Variants in SLC11A2 observed in about 807,000 individuals in gnomAD.
SLC11A2 encodes the protein solute carrier family 11 member 2, also known as natural resistance-associated macrophage protein 2.
SLC11A2 carries 38 observed loss-of-function variants against 68.0 expected under a neutral mutation model. The observed-to-expected ratio is 0.56, with a 90% CI of 0.43 to 0.73. The LOEUF is 0.73. Ranked by LOEUF, SLC11A2 falls within the 30% of genes least tolerant of loss-of-function variation. SLC11A2 has a pLI of 0.00. For synonymous variants in SLC11A2, 242 were observed against 250.6 expected, an observed-to-expected ratio of 0.97 and a Z score of 0.32; for missense variants, 517 against 690.5, an observed-to-expected ratio of 0.75 and a Z score of 2.82.
chr12:51,026,891 C>CAA (rs955260150), upstream of SLC11A2, among the ~76,000 whole-genome samples: 11 of 152,008 alleles, frequency 7.2e-5, no homozygotes, highest in African/African-American at 2.7e-4. Flanking sequence ...ATTAGCCAAG[C>CAA]AAAGGCCGGG....
the SLC11A2 span, chr12:50,954,004 T>G: frequency 6.2e-7 from 1 of 1,606,186 alleles, no homozygotes; most frequent in Non-Finnish European, 8.5e-7. Flanking sequence ...AAAAAATGTC[T>G]TCAGATAACC....
At chr12:50,953,274 A>C in the SLC11A2 span, among the ~76,000 whole-genome samples, 1 of 152,202 alleles carries the variant, frequency 6.6e-6, no homozygotes, top group Non-Finnish European at 1.5e-5. Context: ...TGTGCTTCTT[A>C]CGCTTAAGTT....
Position 50,988,098 on chromosome 12 carries a change from A to G in SLC11A2, c.*227T>C. The stretch of plus-strand genomic sequence containing the variant: ...TTTAGTGTTGGAATGATAGCAGCAA[A>G]TGTCAGCTTTTCAAAGATCCCACCC... On this transcript the variant is annotated 3_prime_UTR_variant, in exon 16 of 16. Transcript: ENST00000262052. The G allele has an allele frequency of 6.8e-7, 1 of 1,471,664 alleles. No homozygotes were observed. 91.2% of individuals were successfully genotyped at this position (1,471,664 alleles called of 1,614,324 possible). A position where few individuals can be genotyped will look rare whatever the true frequency, so the allele number is the denominator to read the frequency against.
At chr12:51,009,123 A>T (rs1260083030) in intron 2 of SLC11A2, 9 of 1,514,166 alleles carry the variant, frequency 5.9e-6, no homozygotes, top group Non-Finnish European at 7.1e-6. Flanking sequence ...TTACTCAAAT[A>T]ATCGACCGTG....
the SLC11A2 span, among the ~76,000 whole-genome samples, chr12:50,957,005 G>A: frequency 1.3e-5 from 2 of 148,616 alleles, no homozygotes; most frequent in East Asian, 3.9e-4. Flanking sequence ...TTTTTTTGCT[G>A]TTTTTATGTC....
At chr12:50,966,218 G>A in the SLC11A2 span, among the ~76,000 whole-genome samples, 1 of 152,162 alleles carries the variant, frequency 6.6e-6, no homozygotes, top group African/African-American at 2.4e-5. Flanking sequence ...AGTTTGCACT[G>A]TCATTTCTGG....
chr12:50,954,853 A>G, the SLC11A2 span, among the ~76,000 whole-genome samples: 12 of 152,228 alleles, frequency 7.9e-5, no homozygotes, highest in African/African-American at 2.9e-4. Context: ...GAAAGCTCTG[A>G]GTAAAAGCCT....
Position 51,010,679 on chromosome 12 carries a change from C to G in SLC11A2, c.34+16G>C. On this transcript the variant is annotated intron_variant, in intron 2 of 15. Transcript: ENST00000262052. ...TTACAAATAAAATTAGACAATAACA[C>G]AAAGCGGTAAATTACCATCTGACAT... The G allele has an allele frequency of 7.0e-7, 1 of 1,427,568 alleles. No homozygotes were observed. The highest frequency in any genetic ancestry group is 9.9e-7 in the Non-Finnish European group (1 of 1,007,358). The allele number at this position is 1,427,568 out of a possible 1,614,324, so 88.4% of individuals were successfully genotyped here.
chr12:51,005,899 A>G, intron 3 of SLC11A2: 3 of 345,948 alleles, frequency 8.7e-6, no homozygotes, highest in Non-Finnish European at 1.7e-5. Context: ...TTCCAAAGAA[A>G]ACCTGAAAAA....
At chr12:50,969,607 G>A in the SLC11A2 span, among the ~76,000 whole-genome samples, 1 of 151,684 alleles carries the variant, frequency 6.6e-6, no homozygotes, top group African/African-American at 2.4e-5. Flanking sequence ...GCTGAGGCAG[G>A]AGAATCGCTT....
At chr12:50,953,988 T>G in the SLC11A2 span, 1 of 1,552,550 alleles carries the variant, frequency 6.4e-7, no homozygotes, top group Non-Finnish European at 8.9e-7. Context: ...CTATTGTTAC[T>G]AGAGAAAAAA....
intron 2 of SLC11A2, 127 bp from the exon 3 acceptor site, chr12:51,008,751 C>A: frequency 1.4e-6 from 1 of 717,282 alleles, no homozygotes; most frequent in Non-Finnish European, 2.4e-6. Flanking sequence ...GACTCTAGCT[C>A]AATTTATTTT....
intron 1 of SLC11A2, among the ~76,000 whole-genome samples, chr12:51,015,985 G>A (rs1055551319): frequency 3.3e-5 from 5 of 151,822 alleles, no homozygotes; most frequent in East Asian, 1.9e-4. Context: ...GGGTTTCACC[G>A]TGTTGGCCAG....
At chr12:51,020,603 C>G (rs1192749452) in intron 1 of SLC11A2, among the ~76,000 whole-genome samples, 1 of 152,190 alleles carries the variant, frequency 6.6e-6, no homozygotes, top group Non-Finnish European at 1.5e-5. Context: ...CAGTCTCTCT[C>G]TCTCTCTCTG....
chr12:50,989,655 T>A (rs1940949038), intron 15 of SLC11A2, among the ~76,000 whole-genome samples: 1 of 152,218 alleles, frequency 6.6e-6, no homozygotes, highest in African/African-American at 2.4e-5. Context: ...GTTACTTGGT[T>A]TTCCTTGAAG....
At chr12:50,991,479 G>A (rs1941142267) in intron 14 of SLC11A2, 120 bp downstream of exon 14, 3 of 774,002 alleles carry the variant, frequency 3.9e-6, no homozygotes, top group Non-Finnish European at 6.8e-6. Flanking sequence ...GAAGCAGCTA[G>A]CAATCACCTC....
chr12:51,020,581 C>T (rs893463691), intron 1 of SLC11A2, among the ~76,000 whole-genome samples: 22 of 152,170 alleles, frequency 1.4e-4, no homozygotes, highest in African/African-American at 5.1e-4. Context: ...ATACAATGCG[C>T]TTAACATGAA....
downstream of SLC11A2, among the ~76,000 whole-genome samples, chr12:50,976,814 A>T (rs545848870): frequency 8.5e-5 from 13 of 152,380 alleles, no homozygotes; most frequent in South Asian, 2.7e-3. Context: ...TACAAAAATC[A>T]ATGTGCAAAA....
At chr12:51,003,722 GT>G (rs1377056105) in intron 5 of SLC11A2, among the ~76,000 whole-genome samples, 1 of 143,990 alleles carries the variant, frequency 6.9e-6, no homozygotes, top group African/African-American at 2.6e-5. Context: ...GAGCCCAGGA[GT>G]TTGAGACCAG....
Sources: gnomAD v4.1 joint callset for allele counts (sites outside exome capture counted in the v4.1 genomes callset) on GRCh38, gnomAD v4.1.1 for gene constraint, MANE v1.5 for transcripts, NCBI Gene and HGNC (gene_info 2026-07-23, HGNC 2026-07-21) for gene names.